DPP10: variants seen among roughly 807,000 people sequenced by gnomAD.
The protein encoded by DPP10 is dipeptidyl peptidase like 10, also known as inactive dipeptidyl peptidase 10.
Under a neutral mutation model 120.9 loss-of-function variants are expected in DPP10, and 33 were observed. The ratio of observed to expected loss-of-function variants is 0.27; its 90% CI spans 0.21 to 0.37. The LOEUF is 0.37. Ranked by LOEUF, DPP10 falls within the 10% of genes least tolerant of loss-of-function variation. The pLI is 1.00. For synonymous variants in DPP10, 337 were observed against 326.1 expected, an observed-to-expected ratio of 1.03 and a Z score of -0.36; for missense variants, 816 against 942.8, an observed-to-expected ratio of 0.87 and a Z score of 1.76.
In DPP10 at chr2:115,711,915, G is replaced by GTTTTTTTTT. The variant is rs1491280011; in HGVS notation, c.577-15901_577-15900insTTTTTTTTT. Among the ~76,000 whole-genome samples, 4 of 96,986 alleles carry GTTTTTTTTT rather than the reference G, an allele frequency of 4.1e-5. 1 individual carries two copies. Among genetic ancestry groups the GTTTTTTTTT allele is most frequent in the Non-Finnish European group, 5.9e-5 (3 of 50,822 alleles). 63.6% of individuals were successfully genotyped at this position (96,986 alleles called of 152,430 possible). On this transcript the variant is annotated intron_variant, in intron 7 of 25. Coordinates refer to ENST00000410059, the MANE Select transcript of DPP10 (RefSeq NM_020868.6). ...GAATATTGGACCTATAAAATGGTCT[G>GTTTTTTTTT]GTTTTTTTTTTTTTTTTTTTTTTGG...
intron 1 of DPP10, among the ~76,000 whole-genome samples, chr2:114,780,514 G>A (rs1167601951): frequency 6.6e-6 from 1 of 151,962 alleles, no homozygotes; most frequent in Admixed American, 6.6e-5. Flanking sequence ...TGAACAATGT[G>A]TTTATATAGT....
rs1697802093 is a variant in DPP10 at position 114,664,960 on chromosome 2, TAGAGCATCCAAAAGATGGCAG to T, written c.60+222143_60+222163del. ...GGCACAGAGCATCCAAAAGATGGCATAGAGCATCCAAAAGATGGCAGAGAGCATCCAAAAGATGGCACAGAG... is the reference window on the plus strand; with the variant it reads ...GGCACAGAGCATCCAAAAGATGGCATAGAGCATCCAAAAGATGGCACAGAG... On this transcript the variant is annotated intron_variant, in intron 1 of 25. Transcript: ENST00000410059. Among the ~76,000 whole-genome samples the T allele has an allele frequency of 5.6e-5, 6 of 107,780 alleles. 1 individual carries two copies. Among genetic ancestry groups the T allele is most frequent in the African/African-American group, 2.1e-4 (3 of 14,098 alleles). The allele number at this position is 107,780 out of a possible 152,430, so 70.7% of individuals were successfully genotyped here.
intron 3 of DPP10, among the ~76,000 whole-genome samples, chr2:115,368,793 ATTTTAAT>A (rs2065229581): frequency 6.6e-6 from 1 of 151,522 alleles, no homozygotes; most frequent in South Asian, 2.1e-4. Context: ...ATTAATTTTA[ATTTTAAT>A]TTTAATTTAA....
At chr2:114,985,957 C>T (rs1256961754) in intron 1 of DPP10, among the ~76,000 whole-genome samples, 1 of 152,128 alleles carries the variant, frequency 6.6e-6, no homozygotes, top group Admixed American at 6.5e-5. Context: ...TTTTAGAATG[C>T]ACAAGTAAGT....
chr2:115,535,797 G>T (rs900725922), intron 5 of DPP10, among the ~76,000 whole-genome samples: 1 of 151,950 alleles, frequency 6.6e-6, no homozygotes, highest in Non-Finnish European at 1.5e-5. Flanking sequence ...CTTGAGCAGC[G>T]ATTTGTAGTT....
intron 3 of DPP10, among the ~76,000 whole-genome samples, chr2:115,381,342 C>T (rs1220744572): frequency 9.2e-5 from 14 of 152,168 alleles, no homozygotes; most frequent in Non-Finnish European, 1.9e-4. Flanking sequence ...CAGTTGATCG[C>T]GTCGGCTCCT....
At chr2:114,617,934 C>T (rs921037445) in intron 1 of DPP10, among the ~76,000 whole-genome samples, 4 of 151,950 alleles carry the variant, frequency 2.6e-5, no homozygotes, top group East Asian at 1.9e-4. Flanking sequence ...GCCAGTCAAC[C>T]GGCTGGTTAG....
intron 1 of DPP10, among the ~76,000 whole-genome samples, chr2:114,643,089 T>C (rs1352815045): frequency 6.6e-6 from 1 of 151,930 alleles, no homozygotes; most frequent in Non-Finnish European, 1.5e-5. Flanking sequence ...GTCACCCTCA[T>C]CTTTCAAAAC....
chr2:114,699,877 A>G (rs1700286525), intron 1 of DPP10, among the ~76,000 whole-genome samples: 1 of 152,068 alleles, frequency 6.6e-6, no homozygotes, highest in African/African-American at 2.4e-5. Flanking sequence ...GTATGTGTCT[A>G]TTTTTGTAAT....
chr2:114,614,809 G>A (rs2105302676), intron 1 of DPP10, among the ~76,000 whole-genome samples: 1 of 152,290 alleles, frequency 6.6e-6, no homozygotes, highest in Non-Finnish European at 1.5e-5. Flanking sequence ...GAGTGTATGA[G>A]TAGTCTATGA....
chr2:115,701,710 T>G (rs2091896043), intron 7 of DPP10, among the ~76,000 whole-genome samples: 2 of 151,900 alleles, frequency 1.3e-5, no homozygotes, highest in Admixed American at 1.3e-4. Context: ...TAAGAAGAGG[T>G]TAATATAGAG....
chr2:114,719,219 G>A (rs1701547914), intron 1 of DPP10, among the ~76,000 whole-genome samples: 1 of 152,178 alleles, frequency 6.6e-6, no homozygotes, highest in Non-Finnish European at 1.5e-5. Context: ...TGAGGGCTGA[G>A]CATCTACAGA....
chr2:115,174,051 C>A (rs548623306), intron 1 of DPP10, among the ~76,000 whole-genome samples: 1 of 152,068 alleles, frequency 6.6e-6, no homozygotes, highest in Admixed American at 6.6e-5. Context: ...TGGAAAGGTT[C>A]CAGCTGGTTT....
At chr2:114,524,590 G>C (rs1685341123) in intron 1 of DPP10, among the ~76,000 whole-genome samples, 1 of 152,190 alleles carries the variant, frequency 6.6e-6, no homozygotes, top group Admixed American at 6.5e-5. Flanking sequence ...GGAATACAAA[G>C]GTGAGGAAGG....
intron 5 of DPP10, among the ~76,000 whole-genome samples, chr2:115,654,293 A>C (rs1399368693): frequency 1.3e-5 from 2 of 151,898 alleles, no homozygotes; most frequent in African/African-American, 4.8e-5. Flanking sequence ...AATCAAAGCG[A>C]ATTGCCTTTG....
chr2:115,790,133 G>T (rs1320522227), intron 17 of DPP10, among the ~76,000 whole-genome samples: 1 of 149,746 alleles, frequency 6.7e-6, no homozygotes, highest in Non-Finnish European at 1.5e-5. Flanking sequence ...ACTGCGGACT[G>T]CAGTGGCGCA....
At chr2:114,866,271 G>C (rs1408275617) in intron 1 of DPP10, among the ~76,000 whole-genome samples, 2 of 151,734 alleles carry the variant, frequency 1.3e-5, no homozygotes, top group African/African-American at 4.8e-5. Flanking sequence ...AATAAGAAAA[G>C]AAAAGAAAAG....
At chr2:115,721,260 A>G (rs1258051731) in intron 7 of DPP10, among the ~76,000 whole-genome samples, 1 of 152,166 alleles carries the variant, frequency 6.6e-6, no homozygotes, top group East Asian at 1.9e-4. Context: ...AACTATCACC[A>G]ATTATTTTCC....
intron 1 of DPP10, among the ~76,000 whole-genome samples, chr2:115,222,607 A>T (rs1013766186): frequency 6.6e-6 from 1 of 152,136 alleles, no homozygotes; most frequent in Non-Finnish European, 1.5e-5. Context: ...TTCTTTTGCA[A>T]ATTGCCCAGT....
Sources: allele counts gnomAD v4.1 joint callset (sites outside exome capture counted in the v4.1 genomes callset), GRCh38; gene constraint gnomAD v4.1.1; transcripts MANE v1.5; gene names NCBI Gene and HGNC (gene_info 2026-07-23, HGNC 2026-07-21).